AADAT: variants seen among roughly 807,000 people sequenced by gnomAD.
AADAT encodes the protein aminoadipate aminotransferase.
A neutral mutation model predicts 56.2 loss-of-function variants in AADAT; 25 were observed. That is an observed-to-expected ratio of 0.44 (90% confidence interval 0.32 to 0.62). AADAT has a LOEUF of 0.62. AADAT is among the 20% of genes least tolerant of loss of function. The pLI, the probability that AADAT is intolerant of heterozygous loss-of-function variation, is 0.04. For synonymous variants in AADAT, 173 were observed against 164.7 expected, an observed-to-expected ratio of 1.05 and a Z score of -0.39; for missense variants, 387 against 510.5, an observed-to-expected ratio of 0.76 and a Z score of 2.33.
chr4:170,067,834 T>C (rs1035031925), intron 8 of AADAT, among the ~76,000 whole-genome samples: 1 of 152,190 alleles, frequency 6.6e-6, no homozygotes, highest in African/African-American at 2.4e-5. Flanking sequence ...TTGGAGATTT[T>C]CTATTTAAAA....
At chr4:170,064,917 T>A in intron 10 of AADAT, 92 bp from the exon 11 acceptor site, 1 of 1,031,952 alleles carries the variant, frequency 9.7e-7, no homozygotes. Flanking sequence ...GTATAGTAAG[T>A]AGAAACTAGT....
intron 3 of AADAT, among the ~76,000 whole-genome samples, chr4:170,079,156 C>CT (rs1554008062): frequency 1.3e-5 from 2 of 152,168 alleles, no homozygotes; most frequent in East Asian, 3.8e-4. Flanking sequence ...TACAGATGCA[C>CT]AATGACATAA....
chr4:170,085,754 T>C (rs1284521959), intron 3 of AADAT, among the ~76,000 whole-genome samples: 3 of 152,150 alleles, frequency 2.0e-5, no homozygotes, highest in Non-Finnish European at 4.4e-5. Context: ...CTTTTCCTAA[T>C]TAAATACAAA....
intron 4 of AADAT, 102 bp downstream of exon 4, chr4:170,078,407 A>C (rs1732136846): frequency 3.3e-6 from 2 of 607,790 alleles, no homozygotes; most frequent in South Asian, 2.4e-5. Context: ...AAAGTTAATA[A>C]GATATTAACT....
intron 3 of AADAT, among the ~76,000 whole-genome samples, chr4:170,080,899 A>G (rs1342213112): frequency 6.6e-6 from 1 of 152,212 alleles, no homozygotes; most frequent in East Asian, 1.9e-4. Flanking sequence ...TGATGTATAC[A>G]TACAAGAAAC....
In AADAT at chr4:170,088,611, A is replaced by G. The variant is rs747347989; in HGVS notation, c.68-47T>C. On this transcript the variant is annotated intron_variant, in intron 1 of 12. Transcript: ENST00000337664. Reference sequence around the variant, plus strand: ...AGAAACAATTTCATTGAAGATTGTTATAAGCGGATAGTTAAGCATGCATTA... The same window carrying G: ...AGAAACAATTTCATTGAAGATTGTTGTAAGCGGATAGTTAAGCATGCATTA... 2.6e-6 allele frequency: 4 copies of G among 1,557,446 alleles called. No individual in the cohort carries two copies. The Admixed American group carries it at 5.0e-5, about 20-fold the overall frequency.
At chr4:170,075,654 T>C (rs1731998394) in intron 4 of AADAT, among the ~76,000 whole-genome samples, 1 of 152,228 alleles carries the variant, frequency 6.6e-6, no homozygotes, top group South Asian at 2.1e-4. Context: ...ATTAATTACA[T>C]TCACAATGTG....
Position 170,064,582 on chromosome 4 carries a change from AAAT to A in AADAT, c.1134+134_1134+136del, listed in dbSNP as rs1314869985. On this transcript the variant is annotated intron_variant, in intron 11 of 12. Transcript: ENST00000337664. ...CTCTTACGATTTTGATAATGCAATAAAATATCTAATATTAGAACATTATGAGTT... is the reference window on the plus strand; with the variant it reads ...CTCTTACGATTTTGATAATGCAATAAATCTAATATTAGAACATTATGAGTT... 9 of 657,238 alleles carry A rather than the reference AAAT, an allele frequency of 1.4e-5. No individual in the cohort carries two copies. In the Admixed American group the frequency reaches 2.3e-4, roughly 16 times the overall value. 40.7% of individuals were successfully genotyped at this position (657,238 alleles called of 1,614,324 possible).
chr4:170,071,614 C>T (rs751707475), intron 5 of AADAT, among the ~76,000 whole-genome samples: 19 of 152,254 alleles, frequency 1.2e-4, no homozygotes, highest in Non-Finnish European at 2.6e-4. Context: ...AACCCGGAGC[C>T]GGGCTTTATA....
intron 3 of AADAT, among the ~76,000 whole-genome samples, chr4:170,079,834 T>C (rs1020178725): frequency 1.1e-4 from 16 of 152,246 alleles, no homozygotes; most frequent in African/African-American, 3.9e-4. Flanking sequence ...GTCAGATGGA[T>C]AGATGGACAA....
At chr4:170,092,609 C>T (rs145325237), upstream of AADAT, among the ~76,000 whole-genome samples, 1 of 152,312 alleles carries the variant, frequency 6.6e-6, no homozygotes, top group African/African-American at 2.4e-5. Context: ...TAGAAACCCA[C>T]GAGGCAAAAT....
chr4:170,082,023 T>C (rs1469598834), intron 3 of AADAT, among the ~76,000 whole-genome samples: 1 of 152,156 alleles, frequency 6.6e-6, no homozygotes, highest in African/African-American at 2.4e-5. Context: ...AAGGGAGTTC[T>C]CCAACCTGAA....
At chr4:170,061,621 TCATAA>T (rs1160129756) in intron 12 of AADAT, among the ~76,000 whole-genome samples, 1 of 152,220 alleles carries the variant, frequency 6.6e-6, no homozygotes, top group East Asian at 1.9e-4. Context: ...GAAGTTTTCC[TCATAA>T]CATGACAATT....
At position 170,068,634 on chromosome 4, in the gene AADAT, A is replaced by G; in HGVS notation, c.857T>C (p.Leu286Ser). 6.2e-7 allele frequency: 1 copy of G among 1,608,328 alleles called. No individual in the cohort carries two copies. The highest frequency in any genetic ancestry group is 8.5e-7 in the Non-Finnish European group (1 of 1,178,960). Residue 286 changes from leucine (L) to serine (S), a missense_variant, in exon 8 of 13, where the codon TTA (leucine) becomes TCA (serine). By Grantham distance (145) the Leu-to-Ser change is moderately radical. Transcript: ENST00000337664. ...GPKPLIERVI[L>S]HIQVSTLHPS... ...GTGCAATGTTGAAACTTGTATGTGT[A>G]AAATAACTCTCTCTATTAAGGGTTT...
chr4:170,089,213 A>G (rs568143218), intron 1 of AADAT: 12 of 369,880 alleles, frequency 3.2e-5, no homozygotes, highest in African/African-American at 1.7e-4. Context: ...TCCTCCACTT[A>G]GCCCCGACCT....
At chr4:170,089,463 G>A in intron 1 of AADAT, 161 bp downstream of exon 1, 1 of 768,656 alleles carries the variant, frequency 1.3e-6, no homozygotes, top group South Asian at 1.7e-5. Context: ...GAGAACAAAG[G>A]CTGTGTCTAT....
chr4:170,089,093 G>T (rs1732710442), intron 1 of AADAT, among the ~76,000 whole-genome samples: 1 of 152,204 alleles, frequency 6.6e-6, no homozygotes, highest in Admixed American at 6.5e-5. Flanking sequence ...TAAACATACA[G>T]AATAACTTTT....
At chr4:170,072,209 G>A (rs1159712512) in intron 5 of AADAT, among the ~76,000 whole-genome samples, 1 of 151,950 alleles carries the variant, frequency 6.6e-6, no homozygotes, top group East Asian at 1.9e-4. Context: ...ATAAGAACAT[G>A]ACTGTGTGTG....
chr4:170,078,683 A>C, intron 3 of AADAT, 100 bp from the exon 4 acceptor site: 1 of 692,948 alleles, frequency 1.4e-6, no homozygotes, highest in Non-Finnish European at 2.4e-6. Flanking sequence ...ATGGTTCTAG[A>C]GTAAGAATTA....
Sources: gnomAD v4.1 joint callset for allele counts (sites outside exome capture counted in the v4.1 genomes callset) on GRCh38, gnomAD v4.1.1 for gene constraint, MANE v1.5 for transcripts, NCBI Gene and HGNC (gene_info 2026-07-23, HGNC 2026-07-21) for gene names.